The following E2F1 variants were observed in gnomAD, a reference collection of about 807,000 sequenced individuals.
E2F1 encodes E2F transcription factor 1.
In E2F1, 7 loss-of-function variants were observed where a neutral mutation model predicts 36.9. That is an observed-to-expected ratio of 0.19 (90% CI 0.11 to 0.36). The LOEUF (loss-of-function observed/expected upper bound fraction) is 0.36, where lower values mean the gene tolerates loss of function less well. E2F1 is among the 10% of genes least tolerant of loss of function. E2F1 has a pLI of 1.00. For missense variants in E2F1, 406 were observed against 573.6 expected, an observed-to-expected ratio of 0.71 and a Z score of 2.99; for synonymous variants, 261 against 263.1, an observed-to-expected ratio of 0.99 and a Z score of 0.08.
At chr20:33,677,934 A>G (rs2017980105) in intron 4 of E2F1, among the ~76,000 whole-genome samples, 1 of 152,200 alleles carries the variant, frequency 6.6e-6, no homozygotes, top group Admixed American at 6.5e-5. Context: ...CACTAGGATT[A>G]CAGGCATGAA....
intron 1 of E2F1, among the ~76,000 whole-genome samples, chr20:33,681,526 G>C (rs921044805): frequency 6.6e-6 from 1 of 152,156 alleles, no homozygotes; most frequent in East Asian, 1.9e-4. Context: ...GGGAGGCCCA[G>C]GAAGTGGTAG....
intron 1 of E2F1, among the ~76,000 whole-genome samples, chr20:33,683,450 CAAAAA>C (rs60838396): frequency 3.1e-4 from 17 of 54,758 alleles, no homozygotes; most frequent in African/African-American, 9.7e-4. Context: ...GACTTCATCT[CAAAAA>C]AAAAAAAAAA....
At position 33,676,598 on chromosome 20, in the gene E2F1, G is replaced by T; in HGVS notation, c.*134C>A. ...CGGTAGCCAGACCCCAGAGCTAGAA[G>T]CTTCTGGAGACAGAGGAGAGGGGTA... is the stretch of plus-strand genomic sequence containing the variant. On this transcript the variant is annotated 3_prime_UTR_variant, in exon 7 of 7. Transcript: ENST00000343380. The T allele has an allele frequency of 7.6e-7, 1 of 1,317,936 alleles. No homozygotes were observed. Among genetic ancestry groups the T allele is most frequent in the African/African-American group, 1.5e-5 (1 of 67,300 alleles). The allele number at this position is 1,317,936 out of a possible 1,614,324, so 81.6% of individuals were successfully genotyped here. A position where few individuals can be genotyped will look rare whatever the true frequency, so the allele number is the denominator to read the frequency against.
At position 33,678,256 on chromosome 20, in the gene E2F1, T is replaced by C; in HGVS notation, c.670A>G (p.Met224Val). 1 of 1,613,728 alleles carries C rather than the reference T, an allele frequency of 6.2e-7. No individual in the cohort carries two copies. The highest frequency in any genetic ancestry group is 8.5e-7 in the Non-Finnish European group (1 of 1,180,030). The change falls in exon 4 of 7, where the codon ATG becomes GTG. Residue 224 changes from methionine to valine, a missense_variant. Met to Val is a conservative substitution (Grantham distance 21). Transcript: ENST00000343380. ...QESEQQLDHL[M>V]NICTTQLRLL... ...CGCAGCTGCGTAGTACAGATATTCA[T>C]CAGGTGGTCCAGCTGCTGCTCGCTC...
At chr20:33,680,057 G>T in intron 2 of E2F1, 83 bp from the exon 3 acceptor site, 1 of 1,230,986 alleles carries the variant, frequency 8.1e-7, no homozygotes, top group Non-Finnish European at 1.2e-6. Context: ...GGCAGTGCAG[G>T]GCAGCAGGAT....
In E2F1 at chr20:33,677,226, C is replaced by G; in HGVS notation, c.945G>C (p.Glu315Asp). The change falls in exon 6 of 7, where the codon GAG becomes GAC. Residue 315 changes from glutamate (E) to aspartate (D), a missense_variant. By Grantham distance (45) the Glu-to-Asp change is conservative (BLOSUM62 2). Around this residue, in one of 5 missense-constraint regions of E2F1, gnomAD observed 163 missense variants for 181.5 expected, o/e 0.90. Coordinates refer to ENST00000343380, the MANE Select transcript of E2F1 (RefSeq NM_005225.3). Reference sequence around the variant, plus strand: ...CCCTGTTCTCCTCCTCAGAAGTGACCTCCTGGGATGGGGTCTTCCCAGGGC... The same window carrying G: ...CCCTGTTCTCCTCCTCAGAAGTGACGTCCTGGGATGGGGTCTTCCCAGGGC... ...GISPGKTPSQEVTSEEENRAT... is the reference protein window; with the variant it reads ...GISPGKTPSQDVTSEEENRAT... The G allele has an allele frequency of 6.2e-7, 1 of 1,614,146 alleles. No homozygotes were observed. The highest frequency in any genetic ancestry group is 8.5e-7 in the Non-Finnish European group (1 of 1,180,006).
intron 4 of E2F1, among the ~76,000 whole-genome samples, chr20:33,677,826 G>A (rs1048558611): frequency 3.3e-5 from 5 of 152,096 alleles, no homozygotes; most frequent in Non-Finnish European, 2.9e-5. Context: ...GCAGGGTCTC[G>A]CTATGTCACC....
Position 33,679,732 on chromosome 20 carries a change from C to T in E2F1, c.572+23G>A. 6.2e-7 allele frequency: 1 copy of T among 1,609,842 alleles called. No homozygotes were observed. The highest frequency in any genetic ancestry group is 8.5e-7 in the Non-Finnish European group (1 of 1,177,518). ...GGCTGGCATGGGCAGGTGTGCCTGC[C>T]CTCCTGTGTGGCCGGTACCTACAGC... On this transcript the variant is annotated intron_variant, in intron 3 of 6. Transcript: ENST00000343380. The surrounding 1 kb of genome is among the most constrained non-coding windows in gnomAD (Gnocchi z 4.6).
intron 1 of E2F1, among the ~76,000 whole-genome samples, chr20:33,684,420 T>TTA (rs1296991100): frequency 6.6e-6 from 1 of 151,362 alleles, no homozygotes; most frequent in African/African-American, 2.4e-5. Flanking sequence ...CACCCACTCA[T>TTA]TAAGAGGGAG....
rs145741678 is a variant in E2F1 at position 33,680,374 on chromosome 20, C to T, written c.304G>A (p.Ala102Thr). 9,025 of 1,614,206 alleles carry T rather than the reference C, an allele frequency of 5.6e-3. 31 individuals carry two copies. Among genetic ancestry groups the T allele is most frequent in the South Asian group, 7.5e-3 (681 of 91,070 alleles). ...LDLETDHQYLAESSGPARGRG... is the reference protein window; with the variant it reads ...LDLETDHQYLTESSGPARGRG... Reference sequence around the variant, plus strand: ...CCCCGAGCTGGCCCACTGCTCTCGGCCAGGTACTGATGGTCAGTTTCCAGG... The same window carrying T: ...CCCCGAGCTGGCCCACTGCTCTCGGTCAGGTACTGATGGTCAGTTTCCAGG... The change falls in exon 2 of 7, where the codon GCC (alanine) becomes ACC (threonine). Residue 102 changes from alanine (A) to threonine (T), a missense_variant. Ala to Thr is a moderately conservative substitution (Grantham distance 58, BLOSUM62 0). Around this residue, in one of 5 missense-constraint regions of E2F1, gnomAD observed 77 missense variants for 131.7 expected, o/e 0.58. Coordinates refer to ENST00000343380, the MANE Select transcript of E2F1 (RefSeq NM_005225.3).
chr20:33,685,304 G>A (rs1351378998), intron 1 of E2F1, among the ~76,000 whole-genome samples: 6 of 152,028 alleles, frequency 3.9e-5, no homozygotes, highest in Non-Finnish European at 7.4e-5. Context: ...GAGGGGATCA[G>A]CAGCTGGTCC....
chr20:33,676,566 C>T lies in E2F1; in HGVS notation c.*166G>A, dbSNP rs1165289963. 4 of 1,056,226 alleles carry T rather than the reference C, an allele frequency of 3.8e-6. No homozygotes were observed. The highest frequency in any genetic ancestry group is 5.3e-6 in the Non-Finnish European group (4 of 760,736). The allele number at this position is 1,056,226 out of a possible 1,614,324, so 65.4% of individuals were successfully genotyped here. On this transcript the variant is annotated 3_prime_UTR_variant, in exon 7 of 7. Transcript: ENST00000343380. ...TCCTTCCCTTCCTGGCTTGCTCAGCCTCCTAGCGGTAGCCAGACCCCAGAG... is the reference window on the plus strand; with the variant it reads ...TCCTTCCCTTCCTGGCTTGCTCAGCTTCCTAGCGGTAGCCAGACCCCAGAG...
chr20:33,677,391 C>T (rs143729545), intron 5 of E2F1, 35 bp downstream of exon 5: 4 of 1,611,978 alleles, frequency 2.5e-6, no homozygotes, highest in Non-Finnish European at 2.5e-6. Flanking sequence ...CCAGCCCAGC[C>T]CAGCCCAGTT....
At chr20:33,680,118 A>G in intron 2 of E2F1, 144 bp from the exon 3 acceptor site, 2 of 915,080 alleles carry the variant, frequency 2.2e-6, no homozygotes, top group Non-Finnish European at 3.4e-6. Context: ...GGCCAACCAC[A>G]GCATTCTTCT....
At chr20:33,678,389 C>T (rs760719188) in intron 3 of E2F1, 36 bp from the exon 4 acceptor site, 7 of 1,606,934 alleles carry the variant, frequency 4.4e-6, no homozygotes, top group South Asian at 2.2e-5. Flanking sequence ...GGGTTAACAG[C>T]GATTGGCCCC....
intron 1 of E2F1, among the ~76,000 whole-genome samples, chr20:33,682,681 C>T (rs979442010): frequency 2.0e-5 from 3 of 152,166 alleles, no homozygotes; most frequent in African/African-American, 7.2e-5. Context: ...TAAACACTGG[C>T]AGAGGGGCCC....
At chr20:33,682,326 T>C (rs2018025681) in intron 1 of E2F1, among the ~76,000 whole-genome samples, 1 of 152,152 alleles carries the variant, frequency 6.6e-6, no homozygotes, top group African/African-American at 2.4e-5. Context: ...CACTGTGTAC[T>C]CAACTGCTTC....
intron 5 of E2F1, 39 bp downstream of exon 5, chr20:33,677,387 C>T: frequency 1.2e-6 from 2 of 1,611,310 alleles, no homozygotes; most frequent in Middle Eastern, 3.3e-4. Flanking sequence ...CAGCCCAGCC[C>T]AGCCCAGCCC....
At chr20:33,685,963 C>G (rs1397422391) in intron 1 of E2F1, 41 bp downstream of exon 1, 2 of 1,119,648 alleles carry the variant, frequency 1.8e-6, no homozygotes, top group African/African-American at 1.7e-5. Context: ...GCGCGGGGGG[C>G]ACAGGCGGCG....
Sources: gnomAD v4.1 joint callset for allele counts (sites outside exome capture counted in the v4.1 genomes callset) on GRCh38, gnomAD v4.1.1 for gene constraint, gnomAD v4.1.1 regional missense constraint, Gnocchi (gnomAD v3.1) non-coding constraint, MANE v1.5 for transcripts, NCBI Gene and HGNC (gene_info 2026-07-23, HGNC 2026-07-21) for gene names.